The following DNAAF11 variants were observed in gnomAD, a reference collection of about 807,000 sequenced individuals.
DNAAF11 encodes leucine rich repeat containing 6.
DNAAF11 carries 45 observed loss-of-function variants against 60.8 expected under a neutral mutation model. The ratio of observed to expected loss-of-function variants is 0.74; its 90% CI spans 0.58 to 0.95. DNAAF11 has a LOEUF of 0.95. Among genes scored for constraint, DNAAF11 ranks in the 40% least tolerant of loss-of-function variants. DNAAF11 has a pLI of 0.00. For synonymous variants in DNAAF11, 191 were observed against 183.5 expected, an observed-to-expected ratio of 1.04 and a Z score of -0.33; for missense variants, 546 against 546.2, an observed-to-expected ratio of 1.00 and a Z score of 0.00.
intron 10 of DNAAF11, among the ~76,000 whole-genome samples, chr8:132,584,553 CAGG>C (rs1026450998): frequency 1.3e-5 from 2 of 152,144 alleles, no homozygotes; most frequent in Non-Finnish European, 2.9e-5. Context: ...GGATTGCTAG[CAGG>C]AGAAGTTTAA....
At chr8:132,615,155 A>T in intron 7 of DNAAF11, 58 bp from the exon 8 acceptor site, 1 of 981,262 alleles carries the variant, frequency 1.0e-6, no homozygotes, top group Non-Finnish European at 1.6e-6. Context: ...TGTATAGAAA[A>T]CCCCATCATA....
chr8:132,590,764 G>T (rs984436702), intron 10 of DNAAF11, among the ~76,000 whole-genome samples: 1 of 152,116 alleles, frequency 6.6e-6, no homozygotes, highest in Non-Finnish European at 1.5e-5. Flanking sequence ...CAGCTTCTAG[G>T]CTTTTCTGAA....
intron 10 of DNAAF11, among the ~76,000 whole-genome samples, chr8:132,602,188 T>C (rs1213221005): frequency 6.6e-6 from 1 of 152,184 alleles, no homozygotes; most frequent in Non-Finnish European, 1.5e-5. Flanking sequence ...ATTTCATTCA[T>C]TTTCAAGTAT....
intron 3 of DNAAF11, among the ~76,000 whole-genome samples, chr8:132,639,494 T>C (rs929655346): frequency 6.6e-6 from 1 of 152,240 alleles, no homozygotes; most frequent in Non-Finnish European, 1.5e-5. Context: ...TTTTGGTTCC[T>C]GATAGATTAA....
At chr8:132,633,336 G>T (rs1428211016) in intron 4 of DNAAF11, among the ~76,000 whole-genome samples, 1 of 151,960 alleles carries the variant, frequency 6.6e-6, no homozygotes, top group Non-Finnish European at 1.5e-5. Context: ...GAAAAAAAAG[G>T]CCTTGAATAT....
chr8:132,669,064 A>C (rs925191858), intron 1 of DNAAF11, among the ~76,000 whole-genome samples: 2 of 152,198 alleles, frequency 1.3e-5, no homozygotes, highest in African/African-American at 4.8e-5. Flanking sequence ...GTTCATTCCA[A>C]GTTTAGATCT....
In DNAAF11 at chr8:132,644,063, T is replaced by C. The variant is rs142187656; in HGVS notation, c.257-5956A>G. On this transcript the variant is annotated intron_variant, in intron 3 of 11. Coordinates refer to ENST00000620350, the MANE Select transcript of DNAAF11 (RefSeq NM_012472.6). ...ATGAAAAGGGGAAACAAAATAATTATTTCTATTAAATTAATAAAAACATGG... is the reference window on the plus strand; with the variant it reads ...ATGAAAAGGGGAAACAAAATAATTACTTCTATTAAATTAATAAAAACATGG... 2.4e-4 allele frequency among the ~76,000 whole-genome samples: 36 copies of C among 152,296 alleles called. 1 individual carries two copies. The East Asian group carries it at 6.6e-3, about 28-fold the overall frequency.
At chr8:132,650,620 A>G (rs1822910069) in intron 3 of DNAAF11, among the ~76,000 whole-genome samples, 1 of 152,194 alleles carries the variant, frequency 6.6e-6, no homozygotes, top group African/African-American at 2.4e-5. Flanking sequence ...TGTGTACAAA[A>G]CTATATCTAC....
rs1425053519 is a variant in DNAAF11 at position 132,632,736 on chromosome 8, A to T, written c.653+4T>A. The stretch of plus-strand genomic sequence containing the variant: ...ACTAGAAAGTAAACTAATAATTTAC[A>T]TACAGAGTAGCATTGATGTCTGTGT... On this transcript the variant is annotated splice_donor_region_variant and intron_variant, in intron 5 of 11. Transcript: ENST00000620350. 6.3e-7 allele frequency: 1 copy of T among 1,596,250 alleles called. No homozygotes were observed. The highest frequency in any genetic ancestry group is 1.3e-5 in the African/African-American group (1 of 74,498).
chr8:132,639,442 C>CT (rs889472783), intron 3 of DNAAF11, among the ~76,000 whole-genome samples: 21 of 152,238 alleles, frequency 1.4e-4, no homozygotes, highest in Non-Finnish European at 3.1e-4. Context: ...TTATTATATA[C>CT]TTTTTTGTAA....
intron 3 of DNAAF11, chr8:132,643,553 A>G (rs987566054): frequency 4.5e-6 from 2 of 444,768 alleles, no homozygotes; most frequent in Non-Finnish European, 9.1e-6. Context: ...TCCGTATGCC[A>G]TATTTCATTA....
intron 11 of DNAAF11, among the ~76,000 whole-genome samples, chr8:132,577,111 C>T (rs1430132467): frequency 6.6e-6 from 1 of 152,192 alleles, no homozygotes; most frequent in African/African-American, 2.4e-5. Context: ...GGAGCTCCTA[C>T]TGTGCCCTTC....
At chr8:132,583,879 A>AT in intron 10 of DNAAF11, 100 bp from the exon 11 acceptor site, 2 of 810,090 alleles carry the variant, frequency 2.5e-6, no homozygotes, top group South Asian at 1.6e-5. Context: ...AAACATTTTA[A>AT]TTTTTTCTCT....
At chr8:132,627,627 C>T (rs898948333) in intron 5 of DNAAF11, among the ~76,000 whole-genome samples, 2 of 152,270 alleles carry the variant, frequency 1.3e-5, no homozygotes, top group South Asian at 2.1e-4. Flanking sequence ...CCCCTCCAAC[C>T]CATTCTCTCT....
At chr8:132,671,416 T>G (rs928611634) in intron 1 of DNAAF11, among the ~76,000 whole-genome samples, 7 of 152,340 alleles carry the variant, frequency 4.6e-5, no homozygotes, top group Admixed American at 2.6e-4. Context: ...CCCTTGTTTT[T>G]GGGTCAGAAG....
rs1160460984 is a variant in DNAAF11 at position 132,593,328 on chromosome 8, C to CATATAT, written c.1141-9550_1141-9549insATATAT. Among the ~76,000 whole-genome samples, 228 of 67,522 alleles carry CATATAT rather than the reference C, an allele frequency of 3.4e-3. 4 individuals are homozygous for CATATAT. The highest frequency in any genetic ancestry group is 0.014 in the South Asian group (29 of 2,034). The allele number at this position is 67,522 out of a possible 152,430, so 44.3% of individuals were successfully genotyped here. On this transcript the variant is annotated intron_variant, in intron 10 of 11. Coordinates refer to ENST00000620350, the MANE Select transcript of DNAAF11 (RefSeq NM_012472.6). ...AATAATAAACTTCAAAGAATATATA[C>CATATAT]ATACATATATATATATATATATATA...
chr8:132,616,982 G>T (rs1023402441), intron 7 of DNAAF11, among the ~76,000 whole-genome samples: 2 of 152,152 alleles, frequency 1.3e-5, no homozygotes, highest in African/African-American at 4.8e-5. Context: ...GGCAACAGTG[G>T]GCATTTCACA....
chr8:132,626,449 C>A (rs191660201), intron 5 of DNAAF11, among the ~76,000 whole-genome samples: 5 of 152,262 alleles, frequency 3.3e-5, no homozygotes, highest in Admixed American at 2.0e-4. Context: ...CCCTTTTATT[C>A]ATGTTTTGTG....
At chr8:132,575,151 C>T (rs1355045894) in intron 11 of DNAAF11, among the ~76,000 whole-genome samples, 1 of 152,170 alleles carries the variant, frequency 6.6e-6, no homozygotes, top group East Asian at 1.9e-4. Context: ...TCTAGGGTAG[C>T]TTGCAAGATC....
Sources: allele counts gnomAD v4.1 joint callset (sites outside exome capture counted in the v4.1 genomes callset), GRCh38; gene constraint gnomAD v4.1.1; transcripts MANE v1.5; gene names NCBI Gene and HGNC (gene_info 2026-07-23, HGNC 2026-07-21).